NXPE4: variants seen among roughly 807,000 people sequenced by gnomAD.
NXPE4 encodes the protein neurexophilin and PC-esterase domain family member 4.
Under a neutral mutation model 33.3 loss-of-function variants are expected in NXPE4, and 42 were observed. The observed-to-expected ratio is 1.26, with a 90% CI of 0.98 to 1.63. The LOEUF is 1.63. NXPE4 is among the 40% of genes most tolerant of loss of function. NXPE4 has a pLI of 0.00. For synonymous variants in NXPE4, 253 were observed against 234.9 expected, an observed-to-expected ratio of 1.08 and a Z score of -0.71; for missense variants, 709 against 647.6, an observed-to-expected ratio of 1.09 and a Z score of -1.03.
the NXPE4 span, among the ~76,000 whole-genome samples, chr11:114,670,317 A>T: frequency 6.6e-6 from 1 of 152,028 alleles, no homozygotes; most frequent in Non-Finnish European, 1.5e-5. Flanking sequence ...GTGCATGCCC[A>T]AGCCTTTACT....
At chr11:114,575,869 C>A (rs914310867) in intron 5 of NXPE4, among the ~76,000 whole-genome samples, 1 of 152,010 alleles carries the variant, frequency 6.6e-6, no homozygotes, top group African/African-American at 2.4e-5. Context: ...TCATATGGAA[C>A]CAAAAAAGAG....
the NXPE4 span, among the ~76,000 whole-genome samples, chr11:114,624,865 G>A: frequency 6.6e-6 from 1 of 152,074 alleles, no homozygotes; most frequent in South Asian, 2.1e-4. Context: ...ACTGCCTCAT[G>A]GGAAACCACT....
the NXPE4 span, among the ~76,000 whole-genome samples, chr11:114,639,245 C>T: frequency 6.6e-6 from 1 of 152,026 alleles, no homozygotes; most frequent in African/African-American, 2.4e-5. Context: ...ATCAGCGAGA[C>T]TCTGTGGGCA....
At chr11:114,645,277 G>A in the NXPE4 span, among the ~76,000 whole-genome samples, 1 of 151,964 alleles carries the variant, frequency 6.6e-6, no homozygotes, top group Non-Finnish European at 1.5e-5. Context: ...CTCCAGCCTG[G>A]GTGACAGAGT....
chr11:114,628,001 A>T, the NXPE4 span, among the ~76,000 whole-genome samples: 2 of 152,004 alleles, frequency 1.3e-5, no homozygotes, highest in East Asian at 3.9e-4. Flanking sequence ...CCAACACAGG[A>T]GCACCTAGAT....
the NXPE4 span, among the ~76,000 whole-genome samples, chr11:114,627,965 G>A: frequency 8.6e-5 from 13 of 152,026 alleles, no homozygotes; most frequent in Admixed American, 8.5e-4. Flanking sequence ...AACAAGAAGA[G>A]CTAACTATCC....
At chr11:114,579,875 G>A (rs1370249165) in intron 5 of NXPE4, among the ~76,000 whole-genome samples, 1 of 152,146 alleles carries the variant, frequency 6.6e-6, no homozygotes, top group African/African-American at 2.4e-5. Flanking sequence ...AGTTTTTGGA[G>A]CCTACTGGGT....
At chr11:114,645,407 G>A in the NXPE4 span, among the ~76,000 whole-genome samples, 1 of 152,052 alleles carries the variant, frequency 6.6e-6, no homozygotes, top group East Asian at 1.9e-4. Context: ...ATGTGAAAAG[G>A]CGAACTTTAA....
At chr11:114,654,650 C>T in the NXPE4 span, among the ~76,000 whole-genome samples, 1 of 152,020 alleles carries the variant, frequency 6.6e-6, no homozygotes. Context: ...AAAGACATCT[C>T]GTTCCTTTTT....
Position 114,582,961 on chromosome 11 carries a change from AG to A in NXPE4, c.156del (p.Leu53TyrfsTer7). ...GATATCAGTGGTGTTTTAGGGAATAAGGACTTTGTGGAGTTGTTCCAGTAAT... is the reference window on the plus strand; with the variant it reads ...GATATCAGTGGTGTTTTAGGGAATAAGACTTTGTGGAGTTGTTCCAGTAAT... ...SLHYWNNSTK[S>X]LFPKTPLISL... is the part of the protein sequence containing the mutation. On this transcript the variant is annotated frameshift_variant, in exon 3 of 6. Transcript: ENST00000375478. LOFTEE classifies it high-confidence loss of function. 1 of 1,614,126 alleles carries A rather than the reference AG, an allele frequency of 6.2e-7. No homozygotes were observed. Among genetic ancestry groups the A allele is most frequent in the Non-Finnish European group, 8.5e-7 (1 of 1,180,012 alleles).
chr11:114,605,348 T>A, the NXPE4 span, among the ~76,000 whole-genome samples: 1 of 151,838 alleles, frequency 6.6e-6, no homozygotes, highest in African/African-American at 2.4e-5. Flanking sequence ...GCCTCGTGGG[T>A]GACCACTGTT....
Position 114,571,319 on chromosome 11 carries a change from C to T in NXPE4, c.1254G>A (p.Arg418=), listed in dbSNP as rs745887129. 6.2e-7 allele frequency: 1 copy of T among 1,613,890 alleles called. No homozygotes were observed. The highest frequency in any genetic ancestry group is 1.1e-5 in the South Asian group (1 of 91,072). The part of the protein sequence containing the change: ...YSVKEMEYLT[R]AIDRTGGEKN... The stretch of plus-strand genomic sequence containing the variant: ...TTTCTCCTCCAGTTCTGTCAATGGC[C>T]CGGGTGAGGTACTCCATCTCTTTGA... Residue 418 remains arginine, a synonymous_variant, in exon 6 of 6, where the codon CGG becomes CGA. Coordinates refer to ENST00000375478, the MANE Select transcript of NXPE4 (RefSeq NM_001077639.2).
At chr11:114,579,019 C>A (rs1949074687) in intron 5 of NXPE4, among the ~76,000 whole-genome samples, 1 of 152,044 alleles carries the variant, frequency 6.6e-6, no homozygotes, top group South Asian at 2.1e-4. Context: ...TAAAGGAATA[C>A]CTGAGGCTGG....
At chr11:114,634,139 T>C in the NXPE4 span, among the ~76,000 whole-genome samples, 14 of 151,626 alleles carry the variant, frequency 9.2e-5, no homozygotes, top group African/African-American at 3.1e-4. Flanking sequence ...TTCCTGACTT[T>C]TTAATGATTG....
chr11:114,577,508 C>T (rs1475994325), intron 5 of NXPE4, among the ~76,000 whole-genome samples: 1 of 151,976 alleles, frequency 6.6e-6, no homozygotes, highest in Non-Finnish European at 1.5e-5. Flanking sequence ...AGAACTTATC[C>T]ATGTAACCAA....
At chr11:114,589,741 C>T (rs118184548) in intron 2 of NXPE4, among the ~76,000 whole-genome samples, 1 of 152,106 alleles carries the variant, frequency 6.6e-6, no homozygotes, top group Non-Finnish European at 1.5e-5. Flanking sequence ...GAGACAATAT[C>T]CCCTAAAGCC....
In NXPE4 at chr11:114,595,004, A is replaced by G. The variant is rs115773646; in HGVS notation, c.-10-235T>C. Among the ~76,000 whole-genome samples the G allele has an allele frequency of 5.3e-3, 803 of 152,168 alleles. 5 individuals are homozygous for G. Among genetic ancestry groups the G allele is most frequent in the African/African-American group, 0.018 (741 of 41,508 alleles). On this transcript the variant is annotated intron_variant, in intron 1 of 5. Coordinates refer to ENST00000375478, the MANE Select transcript of NXPE4 (RefSeq NM_001077639.2). ...CAGATAATTCATGGAGCCCACTGTG[A>G]TCTTTAAGAAATCGAGCAGCTTAAG...
At chr11:114,618,893 C>T in the NXPE4 span, among the ~76,000 whole-genome samples, 16 of 151,908 alleles carry the variant, frequency 1.1e-4, no homozygotes, top group East Asian at 3.9e-4. Flanking sequence ...CACTGTTACC[C>T]GGAGGATAAT....
the NXPE4 span, among the ~76,000 whole-genome samples, chr11:114,662,439 C>CA: frequency 6.6e-6 from 1 of 152,196 alleles, no homozygotes; most frequent in Non-Finnish European, 1.5e-5. Context: ...CTATAGGACT[C>CA]TAACTAAACT....
Sources: allele counts gnomAD v4.1 joint callset (sites outside exome capture counted in the v4.1 genomes callset), GRCh38; gene constraint gnomAD v4.1.1; transcripts MANE v1.5; gene names NCBI Gene and HGNC (gene_info 2026-07-23, HGNC 2026-07-21).